TLN1: variants seen among roughly 807,000 people sequenced by gnomAD.
TLN1 encodes the protein talin-1.
Under a neutral mutation model 292.3 loss-of-function variants are expected in TLN1, and 56 were observed. The observed-to-expected ratio is 0.19, with a 90% CI of 0.15 to 0.24. The LOEUF (loss-of-function observed/expected upper bound fraction) is 0.24. Among genes scored for constraint, TLN1 ranks in the 10% least tolerant of loss-of-function variants. The pLI, the probability that TLN1 is intolerant of heterozygous loss-of-function variation, is 1.00. For missense variants in TLN1, 2,433 were observed against 3,248.2 expected, an observed-to-expected ratio of 0.75 and a Z score of 6.10; for synonymous variants, 1,119 against 1,253.7, an observed-to-expected ratio of 0.89 and a Z score of 2.27.
rs200428164 is a variant in TLN1, at chr9:35,700,261, C to T, written c.6590G>A (p.Arg2197His). 7 of 1,613,472 alleles carry T rather than the reference C, an allele frequency of 4.3e-6. No individual in the cohort carries two copies. The highest frequency in any genetic ancestry group is 4.2e-6 in the Non-Finnish European group (5 of 1,179,472). The part of the protein sequence containing the change: ...AKAVAAGNSC[R>H]QEDVIATANL... ...GGCTGTGGCAATGACATCTTCCTGGCGACAGGAATTGCCAGCAGCAACGGC... is the reference window on the plus strand; with the variant it reads ...GGCTGTGGCAATGACATCTTCCTGGTGACAGGAATTGCCAGCAGCAACGGC... Residue 2197 changes from arginine to histidine, a missense_variant, in exon 49 of 57, where the codon CGC becomes CAC. Physicochemically the swap from Arg to His is conservative, Grantham distance 29 (BLOSUM62 0). Coordinates refer to ENST00000314888, the MANE Select transcript of TLN1 (RefSeq NM_006289.4).
Position 35,711,576 on chromosome 9 carries a change from AC to A in TLN1, c.3879+18del. The A allele has an allele frequency of 6.2e-7, 1 of 1,613,022 alleles. No homozygotes were observed. Among genetic ancestry groups the A allele is most frequent in the Non-Finnish European group, 8.5e-7 (1 of 1,179,958 alleles). ...CCCTTAGTGGGAACCATTCAACCAGACCCTCTGCCTCTTCATACCGGAGCCT... is the reference window on the plus strand; with the variant it reads ...CCCTTAGTGGGAACCATTCAACCAGACCTCTGCCTCTTCATACCGGAGCCT... On this transcript the variant is annotated intron_variant, in intron 29 of 56. Coordinates refer to ENST00000314888, the MANE Select transcript of TLN1 (RefSeq NM_006289.4).
Position 35,724,646 on chromosome 9 carries a change from C to T in TLN1, c.437G>A (p.Arg146Lys). 1 of 1,614,214 alleles carries T rather than the reference C, an allele frequency of 6.2e-7. No homozygotes were observed. Among genetic ancestry groups the T allele is most frequent in the Admixed American group, 1.7e-5 (1 of 60,022 alleles). ...EKKEEITGTL[R>K]KDKTLLRDEK... ...ATCTCGCAGCAATGTCTTGTCCTTT[C>T]TTAAGGTCCCTGTTATTTCCTCCTT... The change falls in exon 5 of 57, where the codon AGA (arginine) becomes AAA (lysine). Residue 146 changes from arginine to lysine, a missense_variant. Arg to Lys is a conservative substitution (Grantham distance 26, BLOSUM62 2). Coordinates refer to ENST00000314888, the MANE Select transcript of TLN1 (RefSeq NM_006289.4). The surrounding 1 kb of genome is among the most constrained non-coding windows in gnomAD (Gnocchi z 4.7).
chr9:35,722,359 A>T lies in TLN1; in HGVS notation c.844-136T>A, dbSNP rs1825891276. ...GAGGAGTACAAGATATGAGAACGAG[A>T]GGGTAACGGGATGGAGGCTGATAAG... On this transcript the variant is annotated intron_variant, in intron 8 of 56. Coordinates refer to ENST00000314888, the MANE Select transcript of TLN1 (RefSeq NM_006289.4). The T allele has an allele frequency of 4.0e-5, 30 of 758,370 alleles. No homozygotes were observed. The South Asian group carries it at 4.4e-4, about 11-fold the overall frequency. 47.0% of individuals were successfully genotyped at this position (758,370 alleles called of 1,614,324 possible).
At chr9:35,709,886 C>CAAAA (rs546437173) in intron 33 of TLN1, among the ~76,000 whole-genome samples, 14 of 12,858 alleles carry the variant, frequency 1.1e-3, no homozygotes, top group African/African-American at 1.9e-3. Context: ...AACTCGGTCT[C>CAAAA]AAAAAAAAAA....
Position 35,717,501 on chromosome 9 carries a change from A to G in TLN1, c.2164-61T>C. The G allele has an allele frequency of 6.3e-7, 1 of 1,583,340 alleles. No homozygotes were observed. The highest frequency in any genetic ancestry group is 1.7e-4 in the Middle Eastern group (1 of 5,920). Reference sequence around the variant, plus strand: ...GGAAAGGAGGTAGAGTATGCTGCTCATAGCAGTAACTGGGATGGGTGAGGA... The same window carrying G: ...GGAAAGGAGGTAGAGTATGCTGCTCGTAGCAGTAACTGGGATGGGTGAGGA... On this transcript the variant is annotated intron_variant, in intron 18 of 56. Coordinates refer to ENST00000314888, the MANE Select transcript of TLN1 (RefSeq NM_006289.4). The surrounding 1 kb of genome is among the most constrained non-coding windows in gnomAD (Gnocchi z 4.7).
intron 12 of TLN1, 57 bp from the exon 13 acceptor site, chr9:35,720,276 C>G: frequency 3.9e-6 from 6 of 1,545,510 alleles, no homozygotes; most frequent in Non-Finnish European, 5.2e-6. Context: ...ACCCGTCCCA[C>G]CCGGTTACAC....
In TLN1 at chr9:35,707,590, A is replaced by G; in HGVS notation, c.4633-102T>C. 6.4e-7 allele frequency: 1 copy of G among 1,573,392 alleles called. No homozygotes were observed. Among genetic ancestry groups the G allele is most frequent in the Non-Finnish European group, 8.7e-7 (1 of 1,155,210 alleles). On this transcript the variant is annotated intron_variant, in intron 35 of 56. Coordinates refer to ENST00000314888, the MANE Select transcript of TLN1 (RefSeq NM_006289.4). This position sits in a 1 kb window ranked among gnomAD's most constrained non-coding sequence, Gnocchi z 5.6. ...CCTGGGACTTACAGGATTTGGGGAG[A>G]GGCTAGGTGGTCAGTCTGAATAGAA...
chr9:35,707,025 C>T lies in TLN1; in HGVS notation c.4955+47G>A, dbSNP rs1228835536. The T allele has an allele frequency of 1.2e-6, 2 of 1,608,448 alleles. No homozygotes were observed. Among genetic ancestry groups the T allele is most frequent in the Admixed American group, 1.7e-5 (1 of 57,910 alleles). The stretch of plus-strand genomic sequence containing the variant: ...ACTCAAGTGCCCATCCTCCATTCTG[C>T]CACAATGTATGCCCCCCAGCCACAC... On this transcript the variant is annotated intron_variant, in intron 37 of 56. Coordinates refer to ENST00000314888, the MANE Select transcript of TLN1 (RefSeq NM_006289.4). This position sits in a 1 kb window ranked among gnomAD's most constrained non-coding sequence, Gnocchi z 5.6.
Position 35,697,650 on chromosome 9 carries a change from G to A in TLN1, c.*141C>T. ...GGGACAGGGGATGTACTGCGGGACTGGGCGGGGCCAGGCCCTGGGGTTTGG... is the reference window on the plus strand; with the variant it reads ...GGGACAGGGGATGTACTGCGGGACTAGGCGGGGCCAGGCCCTGGGGTTTGG... On this transcript the variant is annotated 3_prime_UTR_variant, in exon 57 of 57. Transcript: ENST00000314888. 2 of 1,280,138 alleles carry A rather than the reference G, an allele frequency of 1.6e-6. No homozygotes were observed. The highest frequency in any genetic ancestry group is 1.5e-5 in the African/African-American group (1 of 67,300). 79.3% of individuals were successfully genotyped at this position (1,280,138 alleles called of 1,614,324 possible).
Position 35,714,561 on chromosome 9 carries a change from G to A in TLN1, c.2985+13C>T, listed in dbSNP as rs13298152. The A allele has an allele frequency of 2.5e-6, 4 of 1,606,510 alleles. No homozygotes were observed. Among genetic ancestry groups the A allele is most frequent in the Non-Finnish European group, 3.4e-6 (4 of 1,179,582 alleles). On this transcript the variant is annotated intron_variant, in intron 23 of 56. Transcript: ENST00000314888. The surrounding 1 kb of genome is among the most constrained non-coding windows in gnomAD (Gnocchi z 4.6). ...GAAGGTCAGGTCAGAGAAGTGCAGAGGGGGTGCCTTGCCTGCAGGAAGCTC... is the reference window on the plus strand; with the variant it reads ...GAAGGTCAGGTCAGAGAAGTGCAGAAGGGGTGCCTTGCCTGCAGGAAGCTC...
intron 33 of TLN1, among the ~76,000 whole-genome samples, 172 bp downstream of exon 33, chr9:35,710,389 T>G (rs1357090089): frequency 6.6e-6 from 1 of 152,160 alleles, no homozygotes; most frequent in Non-Finnish European, 1.5e-5. Flanking sequence ...GAACTGCTGG[T>G]GTTCAGTAAT....
chr9:35,727,516 T>A (rs1825999125), intron 1 of TLN1, among the ~76,000 whole-genome samples: 1 of 152,154 alleles, frequency 6.6e-6, no homozygotes, highest in Admixed American at 6.5e-5. Context: ...GCTCTCTGTC[T>A]TTACTCCCCA....
rs751918395 is a variant in TLN1, at chr9:35,711,997, C to T, written c.3681+8G>A. 10 of 1,613,270 alleles carry T rather than the reference C, an allele frequency of 6.2e-6. 1 individual carries two copies. The South Asian group carries it at 1.1e-4, about 18-fold the overall frequency. The stretch of plus-strand genomic sequence containing the variant: ...CCTACGTTCCCCCACCCCCTACCGT[C>T]CTCCTACCGAGTCACTCAGGAGTCG... On this transcript the variant is annotated splice_region_variant and intron_variant, in intron 28 of 56. Transcript: ENST00000314888.
intron 9 of TLN1, 132 bp downstream of exon 9, chr9:35,721,987 A>G (rs923403226): frequency 1.8e-6 from 2 of 1,137,006 alleles, no homozygotes; most frequent in Non-Finnish European, 2.6e-6. Context: ...TCATGAGGTC[A>G]GAGCAAGGAA....
In TLN1 at chr9:35,699,228, A is replaced by T. The variant is rs1825421655; in HGVS notation, c.6875-72T>A. ...GTCAAAAGCACCAGGGAGCATGGTT[A>T]GTATCATCAGGCCCTGGCATCTGTG... On this transcript the variant is annotated intron_variant, in intron 51 of 56. Transcript: ENST00000314888. The surrounding 1 kb of genome is among the most constrained non-coding windows in gnomAD (Gnocchi z 4.0). 6.4e-7 allele frequency: 1 copy of T among 1,568,410 alleles called. No homozygotes were observed. Among genetic ancestry groups the T allele is most frequent in the Non-Finnish European group, 8.7e-7 (1 of 1,155,720 alleles).
Position 35,704,590 on chromosome 9 carries a change from C to A in TLN1, c.5880+79G>T. 1 of 1,594,108 alleles carries A rather than the reference C, an allele frequency of 6.3e-7. No individual in the cohort carries two copies. On this transcript the variant is annotated intron_variant, in intron 44 of 56. Transcript: ENST00000314888. The surrounding 1 kb of genome is among the most constrained non-coding windows in gnomAD (Gnocchi z 6.9). ...TGGGAGAAGTGACAACAGGAGAGGG[C>A]TGAGAGGGCTGGAGGAGGATGGCAA...
At chr9:35,705,063 G>A (rs2131885145) in intron 43 of TLN1, among the ~76,000 whole-genome samples, 1 of 152,336 alleles carries the variant, frequency 6.6e-6, no homozygotes. Flanking sequence ...ACAGTGGGGA[G>A]AAGGGGAGGA....
intron 7 of TLN1, chr9:35,723,349 C>T (rs1006115483): frequency 3.0e-5 from 6 of 197,172 alleles, no homozygotes; most frequent in East Asian, 3.1e-4. Flanking sequence ...GTGATCTGCC[C>T]GCCCTGGCCT....
intron 17 of TLN1, 125 bp downstream of exon 17, chr9:35,718,687 T>C (rs1401505878): frequency 1.6e-5 from 12 of 746,172 alleles, no homozygotes; most frequent in African/African-American, 3.5e-5. Flanking sequence ...TATCATCCCC[T>C]GGAAATAGAG....
Sources: gnomAD v4.1 joint callset for allele counts (sites outside exome capture counted in the v4.1 genomes callset) on GRCh38, gnomAD v4.1.1 for gene constraint, Gnocchi (gnomAD v3.1) non-coding constraint, MANE v1.5 for transcripts, NCBI Gene and HGNC (gene_info 2026-07-23, HGNC 2026-07-21) for gene names.